UPF1: variants seen among roughly 807,000 people sequenced by gnomAD.
UPF1 encodes UPF1 RNA helicase and ATPase.
In UPF1, 9 loss-of-function variants were observed where a neutral mutation model predicts 129.2. The observed-to-expected ratio is 0.07, with a 90% CI of 0.04 to 0.12. The LOEUF (loss-of-function observed/expected upper bound fraction) is 0.12, where lower values mean the gene tolerates loss of function less well. Ranked by LOEUF, UPF1 falls within the 10% of genes least tolerant of loss-of-function variation. UPF1 has a pLI of 1.00. For synonymous variants in UPF1, 649 were observed against 644.9 expected (o/e 1.01, Z -0.10); for missense variants, 788 against 1,525.3 (o/e 0.52, Z 8.05).
chr19:18,865,913 C>G lies in UPF1; in HGVS notation c.3238-131C>G. On this transcript the variant is annotated intron_variant, in intron 22 of 23. Coordinates refer to ENST00000262803, the MANE Select transcript of UPF1 (RefSeq NM_002911.4). The surrounding 1 kb of genome is among the most constrained non-coding windows in gnomAD (Gnocchi z 6.1). ...GAATTACCTGTCCCTGGGCTGGGGT[C>G]ATCAGAGTGGGTCTCCTGGGTCTTA... is the stretch of plus-strand genomic sequence containing the variant. 5 of 1,577,456 alleles carry G rather than the reference C, an allele frequency of 3.2e-6. No homozygotes were observed. The highest frequency in any genetic ancestry group is 4.3e-6 in the Non-Finnish European group (5 of 1,162,410).
At chr19:18,856,449 A>G (rs1601119696) in intron 13 of UPF1, 149 bp downstream of exon 13, 2 of 755,534 alleles carry the variant, frequency 2.6e-6, no homozygotes, top group East Asian at 5.5e-5. Flanking sequence ...TCAGTTGTAC[A>G]GTAAATTAGG....
At chr19:18,835,178 C>A (rs1188813750) in intron 1 of UPF1, among the ~76,000 whole-genome samples, 1 of 152,140 alleles carries the variant, frequency 6.6e-6, no homozygotes, top group Admixed American at 6.6e-5. Flanking sequence ...CATTTCACAT[C>A]AACGGAATCA....
rs762538406 is a variant in UPF1 at position 18,863,642 on chromosome 19, C to T, written c.2775+30C>T. The T allele has an allele frequency of 6.9e-6, 11 of 1,584,972 alleles. No homozygotes were observed. The Admixed American group carries it at 1.9e-4, about 27-fold the overall frequency. On this transcript the variant is annotated intron_variant, in intron 19 of 23. Coordinates refer to ENST00000262803, the MANE Select transcript of UPF1 (RefSeq NM_002911.4). Reference sequence around the variant, plus strand: ...GCGCCTGCACAGGACAGCAGGGCAGCACGGAGAAACCCGGGCCCAAAACAC... The same window carrying T: ...GCGCCTGCACAGGACAGCAGGGCAGTACGGAGAAACCCGGGCCCAAAACAC...
Position 18,832,567 on chromosome 19 carries a change from C to G in UPF1, c.231+127C>G, listed in dbSNP as rs1447815856. ...CCATCGCGGCCGGGCCTGGGGCGATCTGCCCCGGGTCCCCTACTCTGGCTC... is the reference window on the plus strand; with the variant it reads ...CCATCGCGGCCGGGCCTGGGGCGATGTGCCCCGGGTCCCCTACTCTGGCTC... On this transcript the variant is annotated intron_variant, in intron 1 of 23. Coordinates refer to ENST00000262803, the MANE Select transcript of UPF1 (RefSeq NM_002911.4). This position sits in a 1 kb window ranked among gnomAD's most constrained non-coding sequence, Gnocchi z 5.6. 2 of 662,332 alleles carry G rather than the reference C, an allele frequency of 3.0e-6. No homozygotes were observed. Among genetic ancestry groups the G allele is most frequent in the Non-Finnish European group, 3.7e-6 (2 of 534,342 alleles). The allele number at this position is 662,332 out of a possible 1,614,324, so 41.0% of individuals were successfully genotyped here. A position where few individuals can be genotyped will look rare whatever the true frequency, so the allele number is the denominator to read the frequency against.
chr19:18,845,781 G>T (rs1212443005), intron 1 of UPF1, among the ~76,000 whole-genome samples, 199 bp from the exon 2 acceptor site: 1 of 152,138 alleles, frequency 6.6e-6, no homozygotes, highest in Non-Finnish European at 1.5e-5. Flanking sequence ...GGGGGACCGG[G>T]GGGTGTAGAA....
chr19:18,836,886 T>C (rs2055489055), intron 1 of UPF1, among the ~76,000 whole-genome samples: 1 of 151,786 alleles, frequency 6.6e-6, no homozygotes, highest in African/African-American at 2.4e-5. Flanking sequence ...CTCGAGTAGC[T>C]GGGACTACAG....
chr19:18,865,362 T>A lies in UPF1; in HGVS notation c.2931T>A (p.Ala977=), dbSNP rs777008208. Residue 977 remains alanine (A), a synonymous_variant, in exon 21 of 24, where the codon GCT becomes GCA. Transcript: ENST00000262803. This position sits in a 1 kb window ranked among gnomAD's most constrained non-coding sequence, Gnocchi z 6.1. The stretch of plus-strand genomic sequence containing the variant: ...TCAGTGCCGGCCCTAGCCACGTGGC[T>A]GCCATGAACATTCCCATCCCCTTCA... ...GMISAGPSHV[A]AMNIPIPFNL... is the part of the protein sequence containing the mutation. 1.2e-6 allele frequency: 2 copies of A among 1,613,992 alleles called. No individual in the cohort carries two copies. The highest frequency in any genetic ancestry group is 1.7e-6 in the Non-Finnish European group (2 of 1,180,028).
rs776611965 is a variant in UPF1 at position 18,865,500 on chromosome 19, G to T, written c.3019+50G>T. On this transcript the variant is annotated intron_variant, in intron 21 of 23. Coordinates refer to ENST00000262803, the MANE Select transcript of UPF1 (RefSeq NM_002911.4). This position sits in a 1 kb window ranked among gnomAD's most constrained non-coding sequence, Gnocchi z 6.1. ...GTGTGGCCCTCCTGAGAGCTCTTGA[G>T]GGTGTGCTTGTCTGCGAGGCCCTGG... The T allele has an allele frequency of 6.2e-7, 1 of 1,612,440 alleles. No individual in the cohort carries two copies. Among genetic ancestry groups the T allele is most frequent in the Non-Finnish European group, 8.5e-7 (1 of 1,178,884 alleles).
At chr19:18,856,439 TCA>T in intron 13 of UPF1, 139 bp downstream of exon 13, 1 of 794,266 alleles carries the variant, frequency 1.3e-6, no homozygotes. Flanking sequence ...CTCTCTGCGC[TCA>T]GTTGTACAGT....
chr19:18,846,103 C>T lies in UPF1; in HGVS notation c.355C>T (p.Pro119Ser). 2 of 1,614,046 alleles carry T rather than the reference C, an allele frequency of 1.2e-6. No individual in the cohort carries two copies. Among genetic ancestry groups the T allele is most frequent in the Non-Finnish European group, 1.7e-6 (2 of 1,180,006 alleles). Residue 119 changes from proline to serine, a missense_variant, in exon 2 of 24, where the codon CCC (proline) becomes TCC (serine). By Grantham distance (74) the Pro-to-Ser change is moderately conservative (BLOSUM62 -1). Coordinates refer to ENST00000262803, the MANE Select transcript of UPF1 (RefSeq NM_002911.4). ...AGACACCTATTACACGAAGGACCTC[C>T]CCATACACGCCTGCAGGTGAGCTGA... ...EEDTYYTKDLPIHACSYCGIH... is the reference protein window; with the variant it reads ...EEDTYYTKDLSIHACSYCGIH...
chr19:18,857,335 G>A lies in UPF1; in HGVS notation c.1984G>A (p.Asp662Asn). ...GTTCCTACAGCTGATCCTTGTAGGCGACCACTGCCAGCTGGGCCCAGTGGT... is the reference window on the plus strand; with the variant it reads ...GTTCCTACAGCTGATCCTTGTAGGCAACCACTGCCAGCTGGGCCCAGTGGT... ...LGAKQLILVG[D>N]HCQLGPVVMC... The change falls in exon 15 of 24, where the codon GAC becomes AAC. Residue 662 changes from aspartate (D) to asparagine (N), a missense_variant. Asp to Asn is a conservative substitution (Grantham distance 23). Around this residue, in one of 6 missense-constraint regions of UPF1, gnomAD observed 140 missense variants for 385.9 expected, o/e 0.36. Coordinates refer to ENST00000262803, the MANE Select transcript of UPF1 (RefSeq NM_002911.4). 6.2e-7 allele frequency: 1 copy of A among 1,612,466 alleles called. No individual in the cohort carries two copies.
In UPF1 at chr19:18,850,815, C is replaced by A; in HGVS notation, c.757C>A (p.Arg253=). ...VKIPSEQEQL[R]ARQITAQQIN... ...GATCCCCTCCGAGCAGGAGCAGCTG[C>A]GGGCACGCCAGATCACGGCACAGCA... Residue 253 remains arginine, a synonymous_variant, in exon 5 of 24, where the codon CGG becomes AGG. Transcript: ENST00000262803. The surrounding 1 kb of genome is among the most constrained non-coding windows in gnomAD (Gnocchi z 7.1). The A allele has an allele frequency of 6.2e-7, 1 of 1,609,352 alleles. No individual in the cohort carries two copies. The highest frequency in any genetic ancestry group is 8.5e-7 in the Non-Finnish European group (1 of 1,178,150).
chr19:18,849,577 C>G (rs1181096740), intron 3 of UPF1: 1 of 164,454 alleles, frequency 6.1e-6, no homozygotes, highest in Non-Finnish European at 1.3e-5. Flanking sequence ...GCGGGGGTTT[C>G]CAGTCGCCTG....
rs780857533 is a variant in UPF1 at position 18,832,181 on chromosome 19, C to A, written c.-29C>A. The A allele has an allele frequency of 2.0e-6, 3 of 1,514,444 alleles. No individual in the cohort carries two copies. The highest frequency in any genetic ancestry group is 2.9e-5 in the African/African-American group (2 of 68,922). 93.8% of individuals were successfully genotyped at this position (1,514,444 alleles called of 1,614,324 possible). ...CGGCGGGCTCGAGTGCAGCGCGGAACCGGCCCGAGGGCCCTACCCGGAGGC... is the reference window on the plus strand; with the variant it reads ...CGGCGGGCTCGAGTGCAGCGCGGAAACGGCCCGAGGGCCCTACCCGGAGGC... On this transcript the variant is annotated 5_prime_UTR_variant, in exon 1 of 24. Transcript: ENST00000262803. The surrounding 1 kb of genome is among the most constrained non-coding windows in gnomAD (Gnocchi z 5.6).
chr19:18,863,755 G>A (rs2055808339), intron 19 of UPF1, 143 bp downstream of exon 19: 2 of 1,205,090 alleles, frequency 1.7e-6, no homozygotes, highest in Non-Finnish European at 2.3e-6. Context: ...GGGGAGGGTG[G>A]GCCAGCCCAC....
intron 19 of UPF1, 106 bp downstream of exon 19, chr19:18,863,718 T>A: frequency 7.7e-7 from 1 of 1,302,028 alleles, no homozygotes; most frequent in Non-Finnish European, 1.0e-6. Flanking sequence ...GAGGGAGGGC[T>A]CTCCTAGGGG....
chr19:18,865,592 T>G lies in UPF1; in HGVS notation c.3051T>G (p.Arg1017=), dbSNP rs774438876. 17 of 1,613,856 alleles carry G rather than the reference T, an allele frequency of 1.1e-5. No homozygotes were observed. The highest frequency in any genetic ancestry group is 1.4e-5 in the Non-Finnish European group (17 of 1,180,020). ...GRGTPKGKTG[R]GGRQKNRFGL... is the part of the protein sequence containing the mutation. The stretch of plus-strand genomic sequence containing the variant: ...GCACCCCGAAAGGCAAGACTGGTCG[T>G]GGGGGACGCCAGAAGAACCGCTTTG... Residue 1017 remains arginine (R), a synonymous_variant, in exon 22 of 24, where the codon CGT becomes CGG. Transcript: ENST00000262803. The surrounding 1 kb of genome is among the most constrained non-coding windows in gnomAD (Gnocchi z 6.1).
At position 18,832,528 on chromosome 19, in the gene UPF1, TTGGCCGGAGTCCCCCATCGCGGCCGGGCC is replaced by T; in HGVS notation, c.231+92_231+120del. 3 of 927,288 alleles carry T rather than the reference TTGGCCGGAGTCCCCCATCGCGGCCGGGCC, an allele frequency of 3.2e-6. No homozygotes were observed. The highest frequency in any genetic ancestry group is 2.6e-6 in the Non-Finnish European group (2 of 776,064). The allele number at this position is 927,288 out of a possible 1,614,324, so 57.4% of individuals were successfully genotyped here. ...AACTCGCCTCGGGCCCGGCCTGTGT[TTGGCCGGAGTCCCCCATCGCGGCCGGGCC>T]TGGGGCGATCTGCCCCGGGTCCCCT... On this transcript the variant is annotated intron_variant, in intron 1 of 23. Transcript: ENST00000262803. This position sits in a 1 kb window ranked among gnomAD's most constrained non-coding sequence, Gnocchi z 5.6.
intron 1 of UPF1, among the ~76,000 whole-genome samples, chr19:18,836,822 T>A (rs2055488324): frequency 6.6e-6 from 1 of 151,274 alleles, no homozygotes; most frequent in Admixed American, 6.6e-5. Context: ...GGCACAATCT[T>A]GGCTCACTGC....
Sources: gnomAD v4.1 joint callset for allele counts (sites outside exome capture counted in the v4.1 genomes callset) on GRCh38, gnomAD v4.1.1 for gene constraint, gnomAD v4.1.1 regional missense constraint, Gnocchi (gnomAD v3.1) non-coding constraint, MANE v1.5 for transcripts, NCBI Gene and HGNC (gene_info 2026-07-23, HGNC 2026-07-21) for gene names.